The following ZSCAN25 variants were observed in gnomAD, a reference collection of about 807,000 sequenced individuals.
ZSCAN25 encodes zinc finger and SCAN domain-containing protein 25.
A neutral mutation model predicts 38.7 loss-of-function variants in ZSCAN25; 27 were observed. The observed-to-expected ratio is 0.70, with a 90% CI of 0.51 to 0.96. ZSCAN25 has a LOEUF of 0.96. Among genes scored for constraint, ZSCAN25 ranks in the 40% least tolerant of loss-of-function variants. ZSCAN25 has a pLI of 0.00. For missense variants in ZSCAN25, 637 were observed against 705.9 expected, an observed-to-expected ratio of 0.90 and a Z score of 1.11; for synonymous variants, 273 against 277.7, an observed-to-expected ratio of 0.98 and a Z score of 0.17.
At chr7:99,737,835 G>A in the ZSCAN25 span, among the ~76,000 whole-genome samples, 1 of 152,212 alleles carries the variant, frequency 6.6e-6, no homozygotes, top group Admixed American at 6.5e-5. Flanking sequence ...AATTGGTGTT[G>A]TTCTGCAAAG....
chr7:99,737,293 G>C, the ZSCAN25 span, among the ~76,000 whole-genome samples: 1 of 152,124 alleles, frequency 6.6e-6, no homozygotes, highest in African/African-American at 2.4e-5. Context: ...TGGTGCACCT[G>C]CCATTCCTTG....
chr7:99,635,666 A>C (rs1258534075), downstream of ZSCAN25, among the ~76,000 whole-genome samples: 1 of 151,986 alleles, frequency 6.6e-6, no homozygotes, highest in East Asian at 1.9e-4. Context: ...TTGATGTATA[A>C]AATTTTAACT....
At chr7:99,677,085 G>A in the ZSCAN25 span, 1 of 703,058 alleles carries the variant, frequency 1.4e-6, no homozygotes, top group Non-Finnish European at 1.7e-6. Context: ...CTCTGTACGT[G>A]AAGTATCTCT....
chr7:99,731,007 A>T, the ZSCAN25 span: 1 of 1,603,650 alleles, frequency 6.2e-7, no homozygotes, highest in African/African-American at 1.3e-5. Context: ...GATGGAACTA[A>T]GTTGCTCTTT....
At chr7:99,715,782 A>G in the ZSCAN25 span, 6 of 1,613,896 alleles carry the variant, frequency 3.7e-6, no homozygotes, top group Admixed American at 5.0e-5. Context: ...AATGGATCTA[A>G]TGGATTAAAT....
the ZSCAN25 span, among the ~76,000 whole-genome samples, chr7:99,707,516 C>T: frequency 6.6e-6 from 1 of 152,208 alleles, no homozygotes; most frequent in Non-Finnish European, 1.5e-5. Flanking sequence ...GTGCAAAATA[C>T]TTCCCCATCT....
In ZSCAN25 at chr7:99,621,483, C is replaced by G; in HGVS notation, c.498C>G (p.Pro166=). 3.2e-6 allele frequency: 5 copies of G among 1,579,130 alleles called. No homozygotes were observed. The highest frequency in any genetic ancestry group is 4.3e-6 in the Non-Finnish European group (5 of 1,158,294). ...AGGTCAAGCCTGAATGGGGGATGCC[C>G]CCTGGGGAAGGAGTTCAAGGTCCAG... ...PVEVKPEWGM[P]PGEGVQGPDP... The change falls in exon 5 of 8, where the codon CCC becomes CCG. Residue 166 remains proline, a synonymous_variant. Coordinates refer to ENST00000394152, the MANE Select transcript of ZSCAN25 (RefSeq NM_145115.3).
intron 7 of ZSCAN25, 62 bp downstream of exon 7, chr7:99,624,242 C>A: frequency 6.2e-7 from 1 of 1,606,488 alleles, no homozygotes; most frequent in Non-Finnish European, 8.5e-7. Context: ...GGTCAGGGGT[C>A]CTGCCGTAGC....
the ZSCAN25 span, among the ~76,000 whole-genome samples, chr7:99,684,137 G>A: frequency 2.0e-5 from 3 of 150,186 alleles, no homozygotes; most frequent in African/African-American, 7.4e-5. Flanking sequence ...TCAGTTGTAT[G>A]TTATAAAATG....
At chr7:99,617,366 T>C (rs1054814825) in intron 1 of ZSCAN25, among the ~76,000 whole-genome samples, 1 of 152,220 alleles carries the variant, frequency 6.6e-6, no homozygotes. Flanking sequence ...AGGACACTTA[T>C]TTAAAGAATA....
chr7:99,705,457 G>A, the ZSCAN25 span: 1 of 1,601,478 alleles, frequency 6.2e-7, no homozygotes, highest in South Asian at 1.1e-5. Context: ...GGTGTTCTGG[G>A]GCACAGCTTT....
the ZSCAN25 span, among the ~76,000 whole-genome samples, chr7:99,664,774 A>G: frequency 6.6e-6 from 1 of 152,240 alleles, no homozygotes; most frequent in Non-Finnish European, 1.5e-5. Flanking sequence ...ACACTAAAAG[A>G]AGAAGAGCAA....
At chr7:99,709,349 G>A in the ZSCAN25 span, 1 of 1,542,624 alleles carries the variant, frequency 6.5e-7, no homozygotes, top group South Asian at 1.2e-5. Context: ...ACTGTTAGAA[G>A]TTCCAGAGAA....
chr7:99,710,630 T>C, the ZSCAN25 span: 1 of 1,584,730 alleles, frequency 6.3e-7, no homozygotes, highest in Non-Finnish European at 8.6e-7. Context: ...AATGAAACAA[T>C]CATGATTATG....
the ZSCAN25 span, among the ~76,000 whole-genome samples, chr7:99,729,911 C>T: frequency 1.3e-5 from 2 of 152,182 alleles, no homozygotes; most frequent in Non-Finnish European, 2.9e-5. Context: ...GTTTGGTGGT[C>T]TCCTCACACG....
chr7:99,662,707 T>C, the ZSCAN25 span: 1 of 1,057,848 alleles, frequency 9.5e-7, no homozygotes, highest in Non-Finnish European at 1.4e-6. The surrounding 1 kb of genome is among the most constrained non-coding windows in gnomAD (Gnocchi z 4.3). Context: ...GTTGTTCTGC[T>C]ATGTGGCAAA....
chr7:99,684,277 C>T, the ZSCAN25 span, among the ~76,000 whole-genome samples: 2 of 151,170 alleles, frequency 1.3e-5, no homozygotes. Flanking sequence ...AAGTGATTCT[C>T]CTGCCTCAGC....
chr7:99,665,938 A>G, the ZSCAN25 span, among the ~76,000 whole-genome samples: 2 of 152,288 alleles, frequency 1.3e-5, no homozygotes, highest in African/African-American at 4.8e-5. Context: ...AAAAAAATAG[A>G]TCTCTCCAAC....
chr7:99,672,012 T>C, the ZSCAN25 span: 4 of 582,230 alleles, frequency 6.9e-6, no homozygotes, highest in South Asian at 2.2e-5. Flanking sequence ...AGTATTAGGT[T>C]GGTGCAAAAG....
Sources: gnomAD v4.1 joint callset for allele counts (sites outside exome capture counted in the v4.1 genomes callset) on GRCh38, gnomAD v4.1.1 for gene constraint, Gnocchi (gnomAD v3.1) non-coding constraint, MANE v1.5 for transcripts, NCBI Gene and HGNC (gene_info 2026-07-23, HGNC 2026-07-21) for gene names.